The following KLHL1 variants were observed in gnomAD, a reference collection of about 807,000 sequenced individuals.
The protein encoded by KLHL1 is kelch like family member 1.
KLHL1 carries 47 observed loss-of-function variants against 77.7 expected under a neutral mutation model. That is an observed-to-expected ratio of 0.60 (90% CI 0.48 to 0.77). The LOEUF is 0.77. Ranked by LOEUF, KLHL1 falls within the 30% of genes least tolerant of loss-of-function variation. The pLI is 0.00. For missense variants in KLHL1, 925 were observed against 910.8 expected, an observed-to-expected ratio of 1.02 and a Z score of -0.20; for synonymous variants, 360 against 325.2, an observed-to-expected ratio of 1.11 and a Z score of -1.15.
chr13:69,906,129 G>T (rs141629234), intron 4 of KLHL1, among the ~76,000 whole-genome samples: 3 of 151,892 alleles, frequency 2.0e-5, no homozygotes, highest in Admixed American at 2.0e-4. Flanking sequence ...TCTCAATACC[G>T]CATGAGAACT....
At chr13:69,933,457 C>A (rs1332754236) in intron 4 of KLHL1, among the ~76,000 whole-genome samples, 2 of 152,100 alleles carry the variant, frequency 1.3e-5, no homozygotes, top group African/African-American at 4.8e-5. Flanking sequence ...AAGCATGTAG[C>A]TAGCTAGAAA....
Position 69,940,138 on chromosome 13 carries a change from T to C in KLHL1, c.916A>G (p.Met306Val). 1 of 1,613,062 alleles carries C rather than the reference T, an allele frequency of 6.2e-7. No homozygotes were observed. Among genetic ancestry groups the C allele is most frequent in the Non-Finnish European group, 8.5e-7 (1 of 1,179,568 alleles). ...CAGTTAGATGGATGCAAAAGCTTCA[T>C]GAGGAAGTGGCAGCACACTTCCACC... ...QVVEVCCHFL[M>V]KLLHPSNCLG... Residue 306 changes from methionine to valine, a missense_variant, in exon 4 of 11, where the codon ATG (methionine) becomes GTG (valine). Coordinates refer to ENST00000377844, the MANE Select transcript of KLHL1 (RefSeq NM_020866.3).
intron 9 of KLHL1, among the ~76,000 whole-genome samples, chr13:69,716,258 T>C (rs1008269868): frequency 2.6e-5 from 4 of 152,150 alleles, no homozygotes; most frequent in Non-Finnish European, 2.9e-5. Context: ...TGTGGAAATA[T>C]TGAGGTTCAT....
At chr13:69,872,401 C>T (rs138366246) in intron 5 of KLHL1, among the ~76,000 whole-genome samples, 110 of 152,282 alleles carry the variant, frequency 7.2e-4, no homozygotes, top group African/African-American at 2.5e-3. Context: ...AAACTAGTTT[C>T]TGACAGATCC....
At chr13:69,744,579 GT>G (rs1385228370) in intron 7 of KLHL1, among the ~76,000 whole-genome samples, 2 of 151,066 alleles carry the variant, frequency 1.3e-5, no homozygotes, top group African/African-American at 4.9e-5. Flanking sequence ...CAGTTTGATG[GT>G]ATTTTATCAC....
At chr13:69,989,947 T>C (rs1884982885) in intron 1 of KLHL1, among the ~76,000 whole-genome samples, 1 of 151,906 alleles carries the variant, frequency 6.6e-6, no homozygotes, top group South Asian at 2.1e-4. Context: ...TTTGGATGCC[T>C]TTTATTTCTT....
intron 1 of KLHL1, among the ~76,000 whole-genome samples, chr13:70,091,799 C>A (rs150875874): frequency 5.9e-5 from 9 of 152,196 alleles, no homozygotes; most frequent in African/African-American, 2.2e-4. Flanking sequence ...CTGTAGGTGC[C>A]GCCTAAACTA....
chr13:70,073,557 T>TTA (rs1555295214), intron 1 of KLHL1, among the ~76,000 whole-genome samples: 3 of 150,136 alleles, frequency 2.0e-5, no homozygotes, highest in Non-Finnish European at 3.0e-5. Context: ...TAAAGTGTAA[T>TTA]AAAAAAAAAA....
At chr13:69,970,188 G>A (rs1462072325) in intron 2 of KLHL1, among the ~76,000 whole-genome samples, 1 of 151,904 alleles carries the variant, frequency 6.6e-6, no homozygotes, top group Admixed American at 6.6e-5. Context: ...CTATTTTTAC[G>A]GTGGTTGTAA....
intron 6 of KLHL1, among the ~76,000 whole-genome samples, chr13:69,797,471 T>C (rs1355045793): frequency 9.2e-5 from 14 of 152,178 alleles, no homozygotes; most frequent in Admixed American, 9.2e-4. Flanking sequence ...TTGTAAGATA[T>C]ATAAGCAAAT....
intron 7 of KLHL1, among the ~76,000 whole-genome samples, chr13:69,757,929 C>T (rs557586255): frequency 7.3e-6 from 1 of 136,596 alleles, no homozygotes; most frequent in Non-Finnish European, 1.5e-5. Context: ...TGCACTGCAG[C>T]CTGAGTAACA....
chr13:69,919,519 G>A (rs1303797250), intron 4 of KLHL1, among the ~76,000 whole-genome samples: 1 of 151,904 alleles, frequency 6.6e-6, no homozygotes, highest in East Asian at 1.9e-4. Context: ...AATGAAACAG[G>A]TGGCAGAAAA....
intron 2 of KLHL1, among the ~76,000 whole-genome samples, chr13:69,966,762 C>G (rs1593632877): frequency 6.6e-6 from 1 of 151,916 alleles, no homozygotes; most frequent in East Asian, 1.9e-4. Context: ...CTTCTCCTTC[C>G]CACCTCCTCA....
At chr13:70,057,019 G>A (rs1265987290) in intron 1 of KLHL1, among the ~76,000 whole-genome samples, 1 of 151,968 alleles carries the variant, frequency 6.6e-6, no homozygotes, top group African/African-American at 2.4e-5. Context: ...TGAAAAGTTC[G>A]TTGTGTGAAA....
chr13:70,022,207 T>C (rs1463775101), intron 1 of KLHL1, among the ~76,000 whole-genome samples: 1 of 151,962 alleles, frequency 6.6e-6, no homozygotes, highest in East Asian at 1.9e-4. Context: ...TATCCAGTTG[T>C]TCTAGCACTG....
At chr13:70,097,973 T>C (rs1363225344) in intron 1 of KLHL1, among the ~76,000 whole-genome samples, 1 of 151,762 alleles carries the variant, frequency 6.6e-6, no homozygotes, top group African/African-American at 2.4e-5. Flanking sequence ...CAAGGTTACA[T>C]GTCAGAATAA....
At position 70,007,516 on chromosome 13, in the gene KLHL1, T is replaced by C. The variant is rs531508220; in HGVS notation, c.498-31714A>G. Reference sequence around the variant, plus strand: ...GAGTTCCTGGCATACATAGGATAAATATCTAGGTAAAAGCAGTGTAGCCTA... The same window carrying C: ...GAGTTCCTGGCATACATAGGATAAACATCTAGGTAAAAGCAGTGTAGCCTA... On this transcript the variant is annotated intron_variant, in intron 1 of 10. Transcript: ENST00000377844. 2.8e-3 allele frequency among the ~76,000 whole-genome samples: 426 copies of C among 151,742 alleles called. 2 individuals carry two copies. The highest frequency in any genetic ancestry group is 4.8e-3 in the Non-Finnish European group (323 of 67,860).
At chr13:69,927,811 A>G (rs939216965) in intron 4 of KLHL1, among the ~76,000 whole-genome samples, 2 of 152,214 alleles carry the variant, frequency 1.3e-5, no homozygotes, top group African/African-American at 4.8e-5. Flanking sequence ...ATGTACAGCT[A>G]GGTTGGAAAA....
At chr13:69,937,769 A>C (rs192506163) in intron 4 of KLHL1, among the ~76,000 whole-genome samples, 1 of 152,326 alleles carries the variant, frequency 6.6e-6, no homozygotes, top group East Asian at 1.9e-4. Context: ...AGCCAAATAC[A>C]TAAGTGAAAT....
Sources: gnomAD v4.1 joint callset for allele counts (sites outside exome capture counted in the v4.1 genomes callset) on GRCh38, gnomAD v4.1.1 for gene constraint, MANE v1.5 for transcripts, NCBI Gene and HGNC (gene_info 2026-07-23, HGNC 2026-07-21) for gene names.